TRPC6: variants seen among roughly 807,000 people sequenced by gnomAD.
TRPC6 encodes the protein short transient receptor potential channel 6.
Under a neutral mutation model 90.7 loss-of-function variants are expected in TRPC6, and 55 were observed. The ratio of observed to expected loss-of-function variants is 0.61; its 90% CI spans 0.49 to 0.76. The LOEUF is 0.76. TRPC6 is among the 30% of genes least tolerant of loss of function. TRPC6 has a pLI of 0.00. For missense variants in TRPC6, 989 were observed against 1,122.7 expected (o/e 0.88, Z 1.70); for synonymous variants, 393 against 393.0 (o/e 1.00, Z 0.00).
intron 1 of TRPC6, among the ~76,000 whole-genome samples, chr11:101,568,101 C>G (rs1861876618): frequency 1.3e-5 from 2 of 152,076 alleles, no homozygotes; most frequent in South Asian, 4.1e-4. Context: ...TAAGCCAATG[C>G]AAGGAAGCTA....
At chr11:101,524,167 G>A (rs970297017) in intron 1 of TRPC6, among the ~76,000 whole-genome samples, 3 of 152,196 alleles carry the variant, frequency 2.0e-5, no homozygotes, top group Admixed American at 6.5e-5. Flanking sequence ...TTTCAAATTT[G>A]GGATTATAGG....
chr11:101,454,450 G>A (rs922615806), intron 11 of TRPC6, among the ~76,000 whole-genome samples: 5 of 151,842 alleles, frequency 3.3e-5, no homozygotes, highest in Non-Finnish European at 5.9e-5. Flanking sequence ...AACTTTAAAT[G>A]TTCATCAGTA....
In TRPC6 at chr11:101,554,771, C is replaced by A. The variant is rs149364722; in HGVS notation, c.170+28563G>T. Among the ~76,000 whole-genome samples the A allele has an allele frequency of 1.9e-3, 293 of 152,238 alleles. 6 individuals carry two copies. The East Asian group carries it at 0.049, about 26-fold the overall frequency. ...AGTTAATGAAAGTTATTGTAAACTCCAGCCTAAGAAAGATAGCAGCTGATC... is the reference window on the plus strand; with the variant it reads ...AGTTAATGAAAGTTATTGTAAACTCAAGCCTAAGAAAGATAGCAGCTGATC... On this transcript the variant is annotated intron_variant, in intron 1 of 12. Transcript: ENST00000344327.
chr11:101,461,889 G>A (rs927625941), intron 10 of TRPC6, among the ~76,000 whole-genome samples: 3 of 152,188 alleles, frequency 2.0e-5, no homozygotes, highest in African/African-American at 7.2e-5. Context: ...GGAATGGGAG[G>A]AAGAAACGGG....
At chr11:101,567,194 G>A (rs1396550276) in intron 1 of TRPC6, among the ~76,000 whole-genome samples, 1 of 152,116 alleles carries the variant, frequency 6.6e-6, no homozygotes, top group African/African-American at 2.4e-5. Context: ...AGGGGCGTCC[G>A]CTATTGCTGA....
At chr11:101,506,121 T>C (rs978637820) in intron 1 of TRPC6, among the ~76,000 whole-genome samples, 1 of 152,162 alleles carries the variant, frequency 6.6e-6, no homozygotes, top group Non-Finnish European at 1.5e-5. Context: ...TTAAGGTCTT[T>C]TGAGCTTCAA....
At position 101,479,254 on chromosome 11, in the gene TRPC6, C is replaced by T. The variant is rs545723298; in HGVS notation, c.1511-2720G>A. Reference sequence around the variant, plus strand: ...TAATTACTGCCTGGACTGCCGTCCTCTCCTTCTGTTGAAGAGTCAGCCCAG... The same window carrying T: ...TAATTACTGCCTGGACTGCCGTCCTTTCCTTCTGTTGAAGAGTCAGCCCAG... On this transcript the variant is annotated intron_variant, in intron 5 of 12. Transcript: ENST00000344327. 1.1e-4 allele frequency among the ~76,000 whole-genome samples: 16 copies of T among 152,354 alleles called. No individual in the cohort carries two copies. The East Asian group carries it at 2.9e-3, about 28-fold the overall frequency.
At chr11:101,471,637 T>C (rs1859294375) in intron 8 of TRPC6, among the ~76,000 whole-genome samples, 1 of 152,196 alleles carries the variant, frequency 6.6e-6, no homozygotes, top group Non-Finnish European at 1.5e-5. Context: ...CTGATAGATA[T>C]AAATGTATTT....
At chr11:101,453,182 A>G in intron 12 of TRPC6, 76 bp from the exon 13 acceptor site, 2 of 1,360,816 alleles carry the variant, frequency 1.5e-6, no homozygotes, top group East Asian at 4.6e-5. Context: ...GGACAGGAGG[A>G]AATCAGCTCT....
intron 10 of TRPC6, 35 bp downstream of exon 10, chr11:101,469,392 T>C: frequency 1.3e-6 from 1 of 750,138 alleles, no homozygotes; most frequent in Non-Finnish European, 2.5e-6. Context: ...AGCCCGATCA[T>C]GTGCATGACT....
intron 1 of TRPC6, among the ~76,000 whole-genome samples, chr11:101,555,466 G>A (rs559374755): frequency 6.6e-6 from 1 of 152,286 alleles, no homozygotes; most frequent in East Asian, 1.9e-4. Flanking sequence ...TGGTTGAGCT[G>A]ATATATTCTG....
chr11:101,547,174 G>C (rs1214522602), intron 1 of TRPC6, among the ~76,000 whole-genome samples: 1 of 152,026 alleles, frequency 6.6e-6, no homozygotes, highest in Admixed American at 6.6e-5. Flanking sequence ...AACTTTATAT[G>C]TATTATTTAC....
intron 1 of TRPC6, among the ~76,000 whole-genome samples, chr11:101,524,755 T>C (rs901740541): frequency 2.0e-5 from 3 of 152,172 alleles, no homozygotes; most frequent in Admixed American, 1.3e-4. Context: ...TTAAGAAAAA[T>C]AGACAGCAAA....
chr11:101,453,496 C>CTT (rs2136636126), intron 12 of TRPC6, 154 bp downstream of exon 12: 1 of 777,870 alleles, frequency 1.3e-6, no homozygotes, highest in South Asian at 1.5e-5. Context: ...GTTCCCCACT[C>CTT]TTTAACAGAA....
In TRPC6 at chr11:101,451,835, T is replaced by C. The variant is rs1375948984; in HGVS notation, c.*1120A>G. The C allele has an allele frequency of 6.6e-6, 1 of 152,196 alleles. No individual in the cohort carries two copies. The highest frequency in any genetic ancestry group is 2.4e-5 in the African/African-American group (1 of 41,452). The allele number at this position is 152,196 out of a possible 1,614,324, so 9.4% of individuals were successfully genotyped here. A position where few individuals can be genotyped will look rare whatever the true frequency, so the allele number is the denominator to read the frequency against. Reference sequence around the variant, plus strand: ...ATGTCCAGCATCCTCTGAATGCCAATGGTCTTTGAGTAAACATATGAACCT... The same window carrying C: ...ATGTCCAGCATCCTCTGAATGCCAACGGTCTTTGAGTAAACATATGAACCT... On this transcript the variant is annotated 3_prime_UTR_variant, in exon 13 of 13. Coordinates refer to ENST00000344327, the MANE Select transcript of TRPC6 (RefSeq NM_004621.6).
At chr11:101,577,658 G>C (rs543638881) in intron 1 of TRPC6, among the ~76,000 whole-genome samples, 1 of 152,156 alleles carries the variant, frequency 6.6e-6, no homozygotes. Context: ...AAGAACGCTC[G>C]CTGCCAGATA....
At chr11:101,561,459 C>T (rs955428180) in intron 1 of TRPC6, among the ~76,000 whole-genome samples, 2 of 152,028 alleles carry the variant, frequency 1.3e-5, no homozygotes, top group East Asian at 3.9e-4. Flanking sequence ...GAAGCCTCTC[C>T]ATACTTTTTA....
intron 1 of TRPC6, among the ~76,000 whole-genome samples, chr11:101,567,963 T>G (rs1263676470): frequency 1.3e-5 from 2 of 152,084 alleles, no homozygotes; most frequent in African/African-American, 4.8e-5. Flanking sequence ...CCTCTTCTCC[T>G]CCAAAGGATC....
intron 1 of TRPC6, among the ~76,000 whole-genome samples, chr11:101,581,654 ACT>A (rs1306515138): frequency 3.9e-5 from 6 of 152,218 alleles, no homozygotes; most frequent in African/African-American, 9.6e-5. Flanking sequence ...TATGTCTTAA[ACT>A]TACACCTTCA....
Sources: gnomAD v4.1 joint callset for allele counts (sites outside exome capture counted in the v4.1 genomes callset) on GRCh38, gnomAD v4.1.1 for gene constraint, MANE v1.5 for transcripts, NCBI Gene and HGNC (gene_info 2026-07-23, HGNC 2026-07-21) for gene names.